RANBP2: variants seen among roughly 807,000 people sequenced by gnomAD.
RANBP2 encodes RAN binding protein 2.
In RANBP2, 57 loss-of-function variants were observed where a neutral mutation model predicts 303.6. The ratio of observed to expected loss-of-function variants is 0.19; its 90% CI spans 0.15 to 0.23. RANBP2 has a LOEUF of 0.23. Ranked by LOEUF, RANBP2 falls within the 10% of genes least tolerant of loss-of-function variation. The probability of loss-of-function intolerance (pLI) is 1.00; values close to 1 mark genes in which losing one functional copy is unlikely to be tolerated. For missense variants in RANBP2, 3,138 were observed against 3,780.8 expected (o/e 0.83, Z 4.46); for synonymous variants, 1,167 against 1,301.5 (o/e 0.90, Z 2.23).
the RANBP2 span, among the ~76,000 whole-genome samples, chr2:109,741,669 G>C: frequency 3.6e-3 from 432 of 119,992 alleles, 12 homozygotes; most frequent in East Asian, 0.064. Flanking sequence ...GCAGTGAGCT[G>C]AGATCACGCC....
the RANBP2 span, chr2:109,490,913 G>C: frequency 6.6e-7 from 1 of 1,509,968 alleles, no homozygotes; most frequent in South Asian, 1.2e-5. Context: ...TCCGCCCCGA[G>C]CCCAAGCTGT....
At chr2:109,174,915 A>C in the RANBP2 span, among the ~76,000 whole-genome samples, 5 of 152,184 alleles carry the variant, frequency 3.3e-5, no homozygotes, top group Non-Finnish European at 5.9e-5. Flanking sequence ...TCTAGCACTG[A>C]TGTCATCTAA....
the RANBP2 span, among the ~76,000 whole-genome samples, chr2:109,027,262 A>AC: frequency 1.3e-5 from 2 of 149,872 alleles, no homozygotes; most frequent in East Asian, 1.9e-4. Flanking sequence ...AAAAAAAAAA[A>AC]AACAAGGACC....
At chr2:109,165,557 G>T in the RANBP2 span, among the ~76,000 whole-genome samples, 3 of 152,148 alleles carry the variant, frequency 2.0e-5, no homozygotes, top group Non-Finnish European at 2.9e-5. Context: ...TGTCTGTGGG[G>T]GACTGTGTGG....
chr2:109,228,199 A>G, the RANBP2 span, among the ~76,000 whole-genome samples: 1 of 152,170 alleles, frequency 6.6e-6, no homozygotes, highest in African/African-American at 2.4e-5. Context: ...ACTGTCAGAA[A>G]TTCAATCGGC....
At chr2:109,476,600 G>T in the RANBP2 span, among the ~76,000 whole-genome samples, 1 of 152,152 alleles carries the variant, frequency 6.6e-6, no homozygotes, top group East Asian at 1.9e-4. Context: ...TCAAACACAT[G>T]GTTATGAAGT....
the RANBP2 span, among the ~76,000 whole-genome samples, chr2:109,147,231 G>C: frequency 1.3e-5 from 2 of 152,112 alleles, no homozygotes; most frequent in Admixed American, 1.3e-4. Flanking sequence ...ACAGCTGTCC[G>C]CTGCTGCTGA....
chr2:109,615,365 C>A, the RANBP2 span: 1 of 1,612,826 alleles, frequency 6.2e-7, no homozygotes, highest in Non-Finnish European at 8.5e-7. Context: ...GCGAGCCCGG[C>A]CTGCTGGTCA....
chr2:108,761,236 TA>T (rs1265003968), intron 18 of RANBP2, among the ~76,000 whole-genome samples: 1 of 149,626 alleles, frequency 6.7e-6, no homozygotes, highest in Non-Finnish European at 1.5e-5. Flanking sequence ...CTCCCCATAG[TA>T]ATTTCAAAAT....
the RANBP2 span, among the ~76,000 whole-genome samples, chr2:109,517,975 A>G: frequency 1.3e-5 from 2 of 152,176 alleles, no homozygotes; most frequent in Non-Finnish European, 2.9e-5. Context: ...ACTTCAGAGG[A>G]GCAGACGTGG....
At position 108,758,751 on chromosome 2, in the gene RANBP2, C is replaced by T. The variant is rs574179102; in HGVS notation, c.2602+203C>T. On this transcript the variant is annotated intron_variant, in intron 18 of 28. Transcript: ENST00000283195. ...GCAGAAAAAACGAGCCGTATGTGATCACGTGTATATAAAGGCTTAAAGAAC... is the reference window on the plus strand; with the variant it reads ...GCAGAAAAAACGAGCCGTATGTGATTACGTGTATATAAAGGCTTAAAGAAC... Among the ~76,000 whole-genome samples, 6 of 149,934 alleles carry T rather than the reference C, an allele frequency of 4.0e-5. No homozygotes were observed. The South Asian group carries it at 1.3e-3, about 33-fold the overall frequency.
chr2:109,010,349 A>G, the RANBP2 span, among the ~76,000 whole-genome samples: 8 of 121,846 alleles, frequency 6.6e-5, no homozygotes, highest in African/African-American at 2.5e-4. Context: ...ACACCCACAC[A>G]CTCTTCCCAT....
At chr2:109,692,913 G>A in the RANBP2 span, among the ~76,000 whole-genome samples, 2 of 150,458 alleles carry the variant, frequency 1.3e-5, no homozygotes, top group Non-Finnish European at 3.0e-5. Flanking sequence ...CCACCTCCCG[G>A]GTTCAAGCGA....
At chr2:109,100,296 G>A in the RANBP2 span, among the ~76,000 whole-genome samples, 3 of 152,318 alleles carry the variant, frequency 2.0e-5, no homozygotes, top group African/African-American at 4.8e-5. Flanking sequence ...TGTTAGATCA[G>A]CAGGGCATTA....
the RANBP2 span, among the ~76,000 whole-genome samples, chr2:109,088,777 G>T: frequency 1.3e-5 from 2 of 152,186 alleles, no homozygotes; most frequent in Non-Finnish European, 2.9e-5. Flanking sequence ...CTCCCAAAGT[G>T]CTTGGATTAC....
chr2:109,553,631 T>C, the RANBP2 span, among the ~76,000 whole-genome samples: 1 of 151,436 alleles, frequency 6.6e-6, no homozygotes, highest in Admixed American at 6.6e-5. Flanking sequence ...GGTGGGCAGA[T>C]CACCTGAGGT....
the RANBP2 span, among the ~76,000 whole-genome samples, chr2:109,361,738 A>G: frequency 6.6e-6 from 1 of 152,158 alleles, no homozygotes; most frequent in Non-Finnish European, 1.5e-5. Context: ...AGCCTCCCAA[A>G]GTGTTATTCA....
the RANBP2 span, among the ~76,000 whole-genome samples, chr2:109,317,730 C>T: frequency 5.3e-5 from 8 of 152,124 alleles, no homozygotes; most frequent in Non-Finnish European, 8.8e-5. Context: ...GTGTGGAGTG[C>T]GAGGGTGCCT....
At chr2:109,497,062 G>T in the RANBP2 span, among the ~76,000 whole-genome samples, 1 of 152,222 alleles carries the variant, frequency 6.6e-6, no homozygotes, top group Admixed American at 6.5e-5. Flanking sequence ...CCTTGCAGAT[G>T]CCTTGATTTT....
Sources: gnomAD v4.1 joint callset for allele counts (sites outside exome capture counted in the v4.1 genomes callset) on GRCh38, gnomAD v4.1.1 for gene constraint, MANE v1.5 for transcripts, NCBI Gene and HGNC (gene_info 2026-07-23, HGNC 2026-07-21) for gene names.